The following MECOM variants were observed in gnomAD, a reference collection of about 807,000 sequenced individuals.
The protein encoded by MECOM is MDS1 and EVI1 complex locus, also known as histone-lysine N-methyltransferase MECOM.
In MECOM, 13 loss-of-function variants were observed where a neutral mutation model predicts 116.3. That is an observed-to-expected ratio of 0.11 (90% CI 0.07 to 0.18). The LOEUF (loss-of-function observed/expected upper bound fraction) is 0.18, where lower values mean the gene tolerates loss of function less well. Among genes scored for constraint, MECOM ranks in the 10% least tolerant of loss-of-function variants. The pLI, the probability that MECOM is intolerant of heterozygous loss-of-function variation, is 1.00. For synonymous variants in MECOM, 528 were observed against 535.2 expected (o/e 0.99, Z 0.19); for missense variants, 1,299 against 1,509.0 (o/e 0.86, Z 2.31).
intron 1 of MECOM, among the ~76,000 whole-genome samples, chr3:169,418,821 T>C (rs184634482): frequency 7.9e-4 from 120 of 152,216 alleles, no homozygotes; most frequent in Non-Finnish European, 1.3e-3. Flanking sequence ...GAAGCATTCC[T>C]TTTGAAAACC....
chr3:169,645,187 C>A (rs544165049), intron 1 of MECOM, among the ~76,000 whole-genome samples: 25 of 152,256 alleles, frequency 1.6e-4, no homozygotes, highest in Non-Finnish European at 2.6e-4. Context: ...TGATTAAAAC[C>A]AACCAAGCAT....
At chr3:169,229,945 A>G (rs1194500007) in intron 2 of MECOM, among the ~76,000 whole-genome samples, 1 of 152,224 alleles carries the variant, frequency 6.6e-6, no homozygotes, top group African/African-American at 2.4e-5. Flanking sequence ...AAAATTCCAA[A>G]TAAAGGAAGA....
chr3:169,156,609 AT>A (rs1429741170), intron 2 of MECOM, among the ~76,000 whole-genome samples: 3 of 152,186 alleles, frequency 2.0e-5, no homozygotes, highest in African/African-American at 7.2e-5. Flanking sequence ...CCTGTAAACT[AT>A]TACAATTGTA....
intron 2 of MECOM, among the ~76,000 whole-genome samples, chr3:169,350,052 A>G (rs1413280890): frequency 6.6e-6 from 1 of 152,024 alleles, no homozygotes; most frequent in Non-Finnish European, 1.5e-5. Flanking sequence ...TTATGCAAGA[A>G]TCTTAACAAA....
intron 1 of MECOM, among the ~76,000 whole-genome samples, chr3:169,636,152 T>C (rs1292506873): frequency 3.3e-5 from 5 of 152,220 alleles, no homozygotes; most frequent in South Asian, 4.1e-4. Context: ...AGCCATCCAC[T>C]AGTCTCCCCA....
At chr3:169,225,558 C>A (rs2149508765) in intron 2 of MECOM, among the ~76,000 whole-genome samples, 1 of 152,330 alleles carries the variant, frequency 6.6e-6, no homozygotes, top group African/African-American at 2.4e-5. Context: ...ATTCTACTTT[C>A]TTTTCTTGCT....
Position 169,456,827 on chromosome 3 carries a change from A to G in MECOM, c.38-75303T>C, listed in dbSNP as rs569328645. ...AACCAGTATTAGTAATAAACAAACT[A>G]CTAAATTAGGATTCTTCCCTCCACC... On this transcript the variant is annotated intron_variant, in intron 1 of 16. Coordinates refer to ENST00000651503, the MANE Select transcript of MECOM (RefSeq NM_004991.4). Among the ~76,000 whole-genome samples, 3 of 152,242 alleles carry G rather than the reference A, an allele frequency of 2.0e-5. No individual in the cohort carries two copies. The East Asian group carries it at 5.8e-4, about 29-fold the overall frequency.
intron 2 of MECOM, chr3:169,147,343 G>T: frequency 1.0e-6 from 1 of 985,410 alleles, no homozygotes; most frequent in Non-Finnish European, 1.2e-6. Flanking sequence ...GTCCCCTTTC[G>T]CAACTCCAAG....
chr3:169,193,451 T>C (rs1013164900), intron 2 of MECOM, among the ~76,000 whole-genome samples: 22 of 151,988 alleles, frequency 1.4e-4, no homozygotes, highest in African/African-American at 2.9e-4. Flanking sequence ...TCCTTTCTGA[T>C]CTTTGGATTT....
intron 1 of MECOM, among the ~76,000 whole-genome samples, chr3:169,421,148 A>G (rs1268353894): frequency 1.3e-5 from 2 of 152,152 alleles, no homozygotes; most frequent in Non-Finnish European, 2.9e-5. Context: ...GGGTTCTATT[A>G]TCTGTCAAAA....
intron 1 of MECOM, among the ~76,000 whole-genome samples, chr3:169,469,583 A>G (rs1748859312): frequency 7.5e-6 from 1 of 133,378 alleles, no homozygotes; most frequent in Non-Finnish European, 1.6e-5. Context: ...AGTATGAAAA[A>G]TGTACATTTC....
intron 2 of MECOM, among the ~76,000 whole-genome samples, chr3:169,222,596 G>A (rs540186809): frequency 1.5e-4 from 23 of 152,302 alleles, no homozygotes; most frequent in South Asian, 4.1e-4. Context: ...AGGGGTCAGT[G>A]TGACATCATC....
chr3:169,091,077 G>A (rs1267892779), intron 14 of MECOM, among the ~76,000 whole-genome samples: 6 of 151,914 alleles, frequency 3.9e-5, no homozygotes, highest in South Asian at 4.2e-4. Flanking sequence ...AAAAACAATC[G>A]CTTAACCTCT....
At chr3:169,125,848 C>A (rs1446556089) in intron 5 of MECOM, among the ~76,000 whole-genome samples, 1 of 151,900 alleles carries the variant, frequency 6.6e-6, no homozygotes. Flanking sequence ...TGTTTGCATT[C>A]TTTTCTCAAG....
chr3:169,383,768 T>C (rs1192609874), intron 1 of MECOM, among the ~76,000 whole-genome samples: 1 of 152,228 alleles, frequency 6.6e-6, no homozygotes, highest in Non-Finnish European at 1.5e-5. Context: ...AAAATCTCTG[T>C]GGTTTTGAAA....
intron 2 of MECOM, among the ~76,000 whole-genome samples, chr3:169,232,939 G>A (rs1228556162): frequency 1.3e-5 from 2 of 151,908 alleles, no homozygotes; most frequent in Non-Finnish European, 2.9e-5. Flanking sequence ...GTCACCTCAT[G>A]TTCTCTTCCA....
At chr3:169,086,333 G>A (rs1402007785) in intron 16 of MECOM, among the ~76,000 whole-genome samples, 1 of 152,122 alleles carries the variant, frequency 6.6e-6, no homozygotes, top group African/African-American at 2.4e-5. Flanking sequence ...TAAAGTATGG[G>A]TTAAGTGAGC....
intron 1 of MECOM, among the ~76,000 whole-genome samples, chr3:169,659,284 C>T (rs145753907): frequency 3.3e-5 from 5 of 151,924 alleles, no homozygotes; most frequent in Admixed American, 6.6e-5. Flanking sequence ...CACATGCACT[C>T]TATAGCCAAG....
intron 2 of MECOM, among the ~76,000 whole-genome samples, chr3:169,378,489 GAAAGAAAGAA>G (rs1390990082): frequency 3.3e-5 from 1 of 30,264 alleles, no homozygotes; most frequent in African/African-American, 3.5e-4. Context: ...AAGAGAGAGA[GAAAGAAAGAA>G]AGAAAGAAAG....
Sources: gnomAD v4.1 joint callset for allele counts (sites outside exome capture counted in the v4.1 genomes callset) on GRCh38, gnomAD v4.1.1 for gene constraint, MANE v1.5 for transcripts, NCBI Gene and HGNC (gene_info 2026-07-23, HGNC 2026-07-21) for gene names.